The following TBC1D19 variants were observed in gnomAD, a reference collection of about 807,000 sequenced individuals.
TBC1D19 encodes the protein TBC1 domain family member 19.
TBC1D19 carries 60 observed loss-of-function variants against 89.0 expected under a neutral mutation model. The ratio of observed to expected loss-of-function variants is 0.67; its 90% confidence interval spans 0.55 to 0.84. TBC1D19 has a LOEUF of 0.84. Ranked by LOEUF, TBC1D19 falls within the 40% of genes least tolerant of loss-of-function variation. The probability of loss-of-function intolerance (pLI) is 0.00; values close to 1 mark genes in which losing one functional copy is unlikely to be tolerated. For synonymous variants in TBC1D19, 189 were observed against 199.7 expected (o/e 0.95, Z 0.45); for missense variants, 500 against 610.8 (o/e 0.82, Z 1.91).
chr4:26,826,673 A>T, the TBC1D19 span, among the ~76,000 whole-genome samples: 2,134 of 152,318 alleles, frequency 0.014, 30 homozygotes, highest in Non-Finnish European at 0.021. Context: ...CTAACAATGA[A>T]TAGAGTCCAG....
rs67034832 is a variant in TBC1D19 at position 26,656,987 on chromosome 4, T to TCTTCTTCTTCTTCTTCTCCTTCTC, written c.481-2605_481-2604insTCTTCTTCTTCTCCTTCTCCTTCT. ...TTCTTCTTCTTCTTCTTCTTCTTCT[T>TCTTCTTCTTCTTCTTCTCCTTCTC]CTTCTCCTTCTCCTTCTCCTTCTCC... On this transcript the variant is annotated intron_variant, in intron 7 of 20. Coordinates refer to ENST00000264866, the MANE Select transcript of TBC1D19 (RefSeq NM_018317.4). Among the ~76,000 whole-genome samples, 75 of 17,812 alleles carry TCTTCTTCTTCTTCTTCTCCTTCTC rather than the reference T, an allele frequency of 4.2e-3. 4 individuals carry two copies. The highest frequency in any genetic ancestry group is 0.011 in the African/African-American group (66 of 5,790). 11.7% of individuals were successfully genotyped at this position (17,812 alleles called of 152,430 possible).
chr4:26,823,978 T>C, the TBC1D19 span, among the ~76,000 whole-genome samples: 4 of 152,342 alleles, frequency 2.6e-5, no homozygotes, highest in East Asian at 7.7e-4. Flanking sequence ...GATGGGCACA[T>C]GGCCCAGGCA....
chr4:26,598,921 A>G (rs939182507), intron 1 of TBC1D19, among the ~76,000 whole-genome samples: 1 of 152,156 alleles, frequency 6.6e-6, no homozygotes, highest in Admixed American at 6.5e-5. Flanking sequence ...GAAAAAATAG[A>G]AAATTAGAAA....
intron 11 of TBC1D19, among the ~76,000 whole-genome samples, chr4:26,678,469 T>C (rs1713038540): frequency 6.6e-6 from 1 of 151,642 alleles, no homozygotes; most frequent in African/African-American, 2.4e-5. Context: ...ACAATTTTTA[T>C]GTAAGAGGTG....
intron 7 of TBC1D19, among the ~76,000 whole-genome samples, chr4:26,648,192 A>G (rs1026336372): frequency 2.0e-5 from 3 of 152,222 alleles, no homozygotes; most frequent in Middle Eastern, 3.4e-3. Flanking sequence ...GTTACACAGG[A>G]TGTGTTTAGA....
intron 15 of TBC1D19, among the ~76,000 whole-genome samples, chr4:26,734,263 G>A (rs140903110): frequency 6.6e-6 from 1 of 152,290 alleles, no homozygotes; most frequent in African/African-American, 2.4e-5. Flanking sequence ...GTTTTAAACT[G>A]AGGCTGAACT....
chr4:26,774,853 T>C, the TBC1D19 span, among the ~76,000 whole-genome samples: 1 of 152,240 alleles, frequency 6.6e-6, no homozygotes, highest in Non-Finnish European at 1.5e-5. Flanking sequence ...GTAAGAGTGA[T>C]ATCCCTCACA....
intron 15 of TBC1D19, among the ~76,000 whole-genome samples, chr4:26,728,128 C>A (rs1717423778): frequency 6.6e-6 from 1 of 152,162 alleles, no homozygotes; most frequent in Admixed American, 6.5e-5. Flanking sequence ...TTACACTTAG[C>A]AGATCCTGAA....
chr4:26,600,899 T>C, intron 1 of TBC1D19, among the ~76,000 whole-genome samples: 1 of 152,190 alleles, frequency 6.6e-6, no homozygotes, highest in East Asian at 1.9e-4. Flanking sequence ...TCTACAGTTT[T>C]AGAAAGAACC....
intron 13 of TBC1D19, among the ~76,000 whole-genome samples, chr4:26,701,026 A>C (rs1715281902): frequency 6.6e-6 from 1 of 152,018 alleles, no homozygotes; most frequent in South Asian, 2.1e-4. Context: ...TCTCCCTGAC[A>C]CTCTGGCATT....
At chr4:26,780,008 C>A in the TBC1D19 span, among the ~76,000 whole-genome samples, 5 of 152,152 alleles carry the variant, frequency 3.3e-5, no homozygotes, top group Non-Finnish European at 7.4e-5. Flanking sequence ...TCTGGACATG[C>A]CAGGGCTAAG....
the TBC1D19 span, among the ~76,000 whole-genome samples, chr4:26,798,898 A>G: frequency 6.6e-6 from 1 of 152,016 alleles, no homozygotes; most frequent in Admixed American, 6.6e-5. Flanking sequence ...AGAAGGGGGG[A>G]TGAGGGTTGA....
chr4:26,851,553 G>T, the TBC1D19 span, among the ~76,000 whole-genome samples: 2 of 152,046 alleles, frequency 1.3e-5, no homozygotes, highest in African/African-American at 4.8e-5. Flanking sequence ...CAGGTGGAGG[G>T]TGCAAAGGAT....
Position 26,730,405 on chromosome 4 carries a change from G to A in TBC1D19, c.1085-5050G>A, listed in dbSNP as rs201337726. 6.2e-4 allele frequency among the ~76,000 whole-genome samples: 94 copies of A among 152,202 alleles called. No individual in the cohort carries two copies. In the East Asian group the frequency reaches 0.015, roughly 24 times the overall value. On this transcript the variant is annotated intron_variant, in intron 15 of 20. Coordinates refer to ENST00000264866, the MANE Select transcript of TBC1D19 (RefSeq NM_018317.4). ...TATCAAATATTGTGCTAATCATATT[G>A]CATATATTATAATATTTAATCCTCA...
At position 26,735,003 on chromosome 4, in the gene TBC1D19, C is replaced by CATATGT. The variant is rs1362889931; in HGVS notation, c.1085-445_1085-440dup. Among the ~76,000 whole-genome samples the CATATGT allele has an allele frequency of 7.8e-5, 9 of 115,276 alleles. No individual in the cohort carries two copies. The East Asian group carries it at 2.3e-3, about 30-fold the overall frequency. 75.6% of individuals were successfully genotyped at this position (115,276 alleles called of 152,430 possible). ...ATATGTATATGTATATATGTATACA[C>CATATGT]ATATGTATATGTGTATACACATGTA... On this transcript the variant is annotated intron_variant, in intron 15 of 20. Coordinates refer to ENST00000264866, the MANE Select transcript of TBC1D19 (RefSeq NM_018317.4).
At chr4:26,852,379 C>T in the TBC1D19 span, among the ~76,000 whole-genome samples, 3 of 152,020 alleles carry the variant, frequency 2.0e-5, no homozygotes, top group Non-Finnish European at 4.4e-5. Context: ...CATGACACAA[C>T]TCCTATCTCT....
chr4:26,840,481 T>C, the TBC1D19 span, among the ~76,000 whole-genome samples: 2 of 152,236 alleles, frequency 1.3e-5, no homozygotes, highest in African/African-American at 4.8e-5. Flanking sequence ...TAGATGAGTC[T>C]ATGGTTCTCT....
chr4:26,751,294 G>A (rs1718943476), intron 19 of TBC1D19, among the ~76,000 whole-genome samples: 2 of 152,150 alleles, frequency 1.3e-5, no homozygotes, highest in Non-Finnish European at 2.9e-5. Context: ...TGGAGAAACA[G>A]TTTCCCACTG....
intron 10 of TBC1D19, 123 bp from the exon 11 acceptor site, chr4:26,673,653 C>A: frequency 1.5e-6 from 1 of 686,968 alleles, no homozygotes; most frequent in South Asian, 1.7e-5. Context: ...GGTAAAGATA[C>A]GGTGTAATTA....
Sources: gnomAD v4.1 joint callset for allele counts (sites outside exome capture counted in the v4.1 genomes callset) on GRCh38, gnomAD v4.1.1 for gene constraint, MANE v1.5 for transcripts, NCBI Gene and HGNC (gene_info 2026-07-23, HGNC 2026-07-21) for gene names.